UBE2L3: variants seen among roughly 807,000 people sequenced by gnomAD.
The protein encoded by UBE2L3 is ubiquitin-conjugating enzyme E2 L3.
In UBE2L3, 1 loss-of-function variant was observed where a neutral mutation model predicts 17.8. The observed-to-expected ratio is 0.06, with a 90% CI of 0.02 to 0.27. UBE2L3 has a LOEUF of 0.27. UBE2L3 is among the 10% of genes least tolerant of loss of function. UBE2L3 has a pLI of 1.00. For missense variants in UBE2L3, 40 were observed against 192.6 expected, an observed-to-expected ratio of 0.21 and a Z score of 4.69; for synonymous variants, 44 against 68.5, an observed-to-expected ratio of 0.64 and a Z score of 1.76.
intron 1 of UBE2L3, among the ~76,000 whole-genome samples, chr22:21,589,824 C>G (rs1174290382): frequency 3.9e-5 from 6 of 152,124 alleles, no homozygotes. Flanking sequence ...CTTTGGAGAG[C>G]TTAACTTGAC....
At chr22:21,576,411 C>A (rs1395595791) in intron 1 of UBE2L3, among the ~76,000 whole-genome samples, 3 of 151,822 alleles carry the variant, frequency 2.0e-5, no homozygotes, top group African/African-American at 7.3e-5. Flanking sequence ...CATTCTTCTG[C>A]CTCAGCCTCC....
chr22:21,604,190 G>A (rs1276098538), intron 2 of UBE2L3, among the ~76,000 whole-genome samples: 7 of 152,118 alleles, frequency 4.6e-5, no homozygotes, highest in Non-Finnish European at 8.8e-5. Flanking sequence ...AACACTAGTC[G>A]TGTTCATGTG....
chr22:21,621,491 C>G lies in UBE2L3; in HGVS notation c.311-24C>G, dbSNP rs368231313. The G allele has an allele frequency of 1.6e-5, 25 of 1,592,172 alleles. No homozygotes were observed. The African/African-American group carries it at 1.9e-4, about 12-fold the overall frequency. ...CATTTCTGAGACTGTGTTAACCCCC[C>G]ATGCCTTGTCCTTCTCTTGGCAGTA... On this transcript the variant is annotated intron_variant, in intron 3 of 3. Transcript: ENST00000342192.
At chr22:21,572,628 T>A (rs987922517) in intron 1 of UBE2L3, among the ~76,000 whole-genome samples, 5 of 152,166 alleles carry the variant, frequency 3.3e-5, no homozygotes, top group Non-Finnish European at 7.3e-5. Flanking sequence ...GCAGTAAATG[T>A]GAGAGCCACA....
intron 3 of UBE2L3, among the ~76,000 whole-genome samples, chr22:21,618,088 G>A (rs951002394): frequency 2.4e-4 from 36 of 152,256 alleles, no homozygotes; most frequent in African/African-American, 8.2e-4. Flanking sequence ...AGTTGAGGCA[G>A]GAGAATCCCT....
intron 1 of UBE2L3, among the ~76,000 whole-genome samples, chr22:21,578,555 G>A (rs1190931267): frequency 6.6e-6 from 1 of 152,060 alleles, no homozygotes; most frequent in East Asian, 1.9e-4. Flanking sequence ...TGGTAGGGGG[G>A]TGCTGGACTC....
chr22:21,617,702 GA>G (rs1248439425), intron 3 of UBE2L3, among the ~76,000 whole-genome samples: 1 of 152,170 alleles, frequency 6.6e-6, no homozygotes, highest in African/African-American at 2.4e-5. Flanking sequence ...TCCTATATAT[GA>G]AAAATGTTGA....
intron 3 of UBE2L3, among the ~76,000 whole-genome samples, chr22:21,615,196 A>T (rs1374992000): frequency 1.3e-5 from 2 of 152,044 alleles, no homozygotes; most frequent in African/African-American, 4.8e-5. Context: ...GTGTATCTCT[A>T]CAATGAAATA....
chr22:21,575,057 G>A (rs1389022004), intron 1 of UBE2L3, among the ~76,000 whole-genome samples: 1 of 151,698 alleles, frequency 6.6e-6, no homozygotes, highest in Non-Finnish European at 1.5e-5. Flanking sequence ...AGGAGTTCGA[G>A]ACCAGCCTGG....
chr22:21,589,432 C>T (rs765121373), intron 1 of UBE2L3, among the ~76,000 whole-genome samples: 83 of 152,328 alleles, frequency 5.4e-4, no homozygotes, highest in Admixed American at 2.5e-3. Context: ...CAGGCGTGAA[C>T]CACTGCGCCC....
intron 1 of UBE2L3, among the ~76,000 whole-genome samples, chr22:21,583,600 CAA>C (rs748713101): frequency 1.4e-4 from 22 of 152,334 alleles, no homozygotes; most frequent in African/African-American, 3.8e-4. Flanking sequence ...AGAGGAGACT[CAA>C]GAGGGTGTAT....
At chr22:21,569,462 C>T (rs1926840150) in intron 1 of UBE2L3, among the ~76,000 whole-genome samples, 1 of 151,212 alleles carries the variant, frequency 6.6e-6, no homozygotes, top group Admixed American at 6.6e-5. Flanking sequence ...TGAAATTACT[C>T]TGAATCTATA....
chr22:21,597,984 A>G (rs1449154498), intron 2 of UBE2L3, among the ~76,000 whole-genome samples: 1 of 121,706 alleles, frequency 8.2e-6, no homozygotes, highest in Non-Finnish European at 1.8e-5. Flanking sequence ...TTTTTTTTGT[A>G]GAGATGGGGT....
In UBE2L3 at chr22:21,604,335, C is replaced by T. The variant is rs530940561; in HGVS notation, c.124-6522C>T. Among the ~76,000 whole-genome samples, 3 of 152,118 alleles carry T rather than the reference C, an allele frequency of 2.0e-5. No homozygotes were observed. The East Asian group carries it at 5.8e-4, about 29-fold the overall frequency. On this transcript the variant is annotated intron_variant, in intron 2 of 3. Coordinates refer to ENST00000342192, the MANE Select transcript of UBE2L3 (RefSeq NM_003347.4). ...GCAACACGGTGAAACCCCGTCTCTA[C>T]TAAAATACAAAAAATTAGCCGGACG...
chr22:21,593,874 A>G (rs1265634653), intron 2 of UBE2L3, among the ~76,000 whole-genome samples: 6 of 151,392 alleles, frequency 4.0e-5, no homozygotes, highest in African/African-American at 1.5e-4. Context: ...ACTCTTAAAC[A>G]TGACTCTTGT....
At chr22:21,576,801 CTTTTTT>C (rs757829734) in intron 1 of UBE2L3, among the ~76,000 whole-genome samples, 1 of 118,140 alleles carries the variant, frequency 8.5e-6, no homozygotes. Context: ...CTTCTCTTTC[CTTTTTT>C]TTTTTTTTTT....
intron 2 of UBE2L3, among the ~76,000 whole-genome samples, chr22:21,607,441 G>A (rs999065860): frequency 6.6e-6 from 1 of 151,626 alleles, no homozygotes; most frequent in African/African-American, 2.4e-5. Flanking sequence ...CATGAACCAG[G>A]GAGGCAGAGG....
chr22:21,567,967 G>A, intron 1 of UBE2L3, 196 bp downstream of exon 1: 3 of 1,375,512 alleles, frequency 2.2e-6, no homozygotes, highest in Admixed American at 3.8e-5. Flanking sequence ...GGAGCGCAAG[G>A]CCGCGCTGGG....
chr22:21,572,222 C>G (rs1037111865), intron 1 of UBE2L3, among the ~76,000 whole-genome samples: 5 of 151,960 alleles, frequency 3.3e-5, no homozygotes, highest in African/African-American at 1.2e-4. Flanking sequence ...ATCATGAGGT[C>G]AGGAGTTCGA....
Sources: allele counts gnomAD v4.1 joint callset (sites outside exome capture counted in the v4.1 genomes callset), GRCh38; gene constraint gnomAD v4.1.1; transcripts MANE v1.5; gene names NCBI Gene and HGNC (gene_info 2026-07-23, HGNC 2026-07-21).